USO1: variants seen among roughly 807,000 people sequenced by gnomAD.
USO1 encodes general vesicular transport factor p115.
A neutral mutation model predicts 124.5 loss-of-function variants in USO1; 57 were observed. The ratio of observed to expected loss-of-function variants is 0.46; its 90% CI spans 0.37 to 0.57. The LOEUF is 0.57. Among genes scored for constraint, USO1 ranks in the 20% least tolerant of loss-of-function variants. The pLI is 0.00. For missense variants in USO1, 900 were observed against 1,040.6 expected (o/e 0.86, Z 1.86); for synonymous variants, 369 against 362.8 (o/e 1.02, Z -0.19).
At chr4:75,731,786 T>G (rs979825373) in intron 1 of USO1, among the ~76,000 whole-genome samples, 1 of 152,164 alleles carries the variant, frequency 6.6e-6, no homozygotes, top group African/African-American at 2.4e-5. Context: ...ATTGATTGAT[T>G]AGAGTTAGCA....
chr4:75,787,994 C>T (rs1465741653), intron 10 of USO1, among the ~76,000 whole-genome samples: 1 of 151,622 alleles, frequency 6.6e-6, no homozygotes, highest in African/African-American at 2.4e-5. Flanking sequence ...ACTTTGTTTC[C>T]CACCACAGGC....
chr4:75,813,349 C>G lies in USO1; in HGVS notation c.*54C>G, dbSNP rs1265877932. The G allele has an allele frequency of 6.8e-7, 1 of 1,462,546 alleles. No homozygotes were observed. Among genetic ancestry groups the G allele is most frequent in the Non-Finnish European group, 9.0e-7 (1 of 1,106,098 alleles). The allele number at this position is 1,462,546 out of a possible 1,614,324, so 90.6% of individuals were successfully genotyped here. ...TATATCATAACTCTGAAGATGGACT[C>G]TAAACTTTGGTTTACCTCCATGGAA... On this transcript the variant is annotated 3_prime_UTR_variant, in exon 24 of 24. Coordinates refer to ENST00000514213, the MANE Select transcript of USO1 (RefSeq NM_003715.4).
rs71208100 is a variant in USO1 at position 75,759,246 on chromosome 4, C to CTTTTTTTTTTTTTTTTTTTTT, written c.295+1691_295+1692insTTTTTTTTTTTTTTTTTTTTT. ...TAATAGAATCACTTTTATTAAGGAC[C>CTTTTTTTTTTTTTTTTTTTTT]TTTTTTTTTTTTTTTTTTCTGAAAA... On this transcript the variant is annotated intron_variant, in intron 4 of 23. Transcript: ENST00000514213. Among the ~76,000 whole-genome samples, 90 of 69,118 alleles carry CTTTTTTTTTTTTTTTTTTTTT rather than the reference C, an allele frequency of 1.3e-3. 26 individuals carry two copies. Among genetic ancestry groups the CTTTTTTTTTTTTTTTTTTTTT allele is most frequent in the African/African-American group, 4.0e-3 (62 of 15,526 alleles). 45.3% of individuals were successfully genotyped at this position (69,118 alleles called of 152,430 possible).
intron 1 of USO1, among the ~76,000 whole-genome samples, chr4:75,749,557 A>G (rs1418334141): frequency 6.6e-6 from 1 of 151,272 alleles, no homozygotes; most frequent in Non-Finnish European, 1.5e-5. Flanking sequence ...TCACACCATC[A>G]TACCTAGCTA....
Position 75,800,466 on chromosome 4 carries a change from T to G in USO1, c.1679T>G (p.Met560Arg), listed in dbSNP as rs1215660579. The change falls in exon 15 of 24, where the codon ATG becomes AGG. Residue 560 changes from methionine (M) to arginine (R), a missense_variant. Physicochemically the swap from Met to Arg is moderately conservative, Grantham distance 91. This residue lies in a region of USO1 where 538 missense variants were observed against 681.6 expected (regional missense o/e 0.79). Coordinates refer to ENST00000514213, the MANE Select transcript of USO1 (RefSeq NM_003715.4). ...AATGATAACTCACTTGAGAGCTACA[T>G]GAAGTAAGTAAGGGGAAGATGGTTT... ...YFNDNSLESY[M>R]KEKLKQLIEK... 6.3e-7 allele frequency: 1 copy of G among 1,588,290 alleles called. No individual in the cohort carries two copies. The highest frequency in any genetic ancestry group is 1.8e-5 in the Admixed American group (1 of 54,988).
intron 22 of USO1, among the ~76,000 whole-genome samples, chr4:75,811,282 A>G (rs1171616804): frequency 6.6e-6 from 1 of 151,818 alleles, no homozygotes; most frequent in African/African-American, 2.4e-5. Flanking sequence ...CAGCCTCCTG[A>G]GTAGCTGGGA....
intron 8 of USO1, 82 bp downstream of exon 8, chr4:75,774,878 G>T (rs1722031467): frequency 1.4e-6 from 2 of 1,460,510 alleles, no homozygotes; most frequent in Non-Finnish European, 9.1e-7. Flanking sequence ...GTTGGAGGGA[G>T]AAATGGGGAC....
chr4:75,757,622 G>T, intron 4 of USO1, 49 bp downstream of exon 4: 1 of 1,336,762 alleles, frequency 7.5e-7, no homozygotes. Context: ...AAAACCAACT[G>T]GGTTGTGCTA....
At chr4:75,748,435 C>T (rs750350504) in intron 1 of USO1, among the ~76,000 whole-genome samples, 10 of 151,988 alleles carry the variant, frequency 6.6e-5, no homozygotes, top group Non-Finnish European at 1.3e-4. Flanking sequence ...GCAATCCACC[C>T]CTCTCAGCCT....
chr4:75,763,609 A>G (rs559417153), intron 4 of USO1, among the ~76,000 whole-genome samples: 3 of 152,052 alleles, frequency 2.0e-5, no homozygotes, highest in Non-Finnish European at 4.4e-5. Flanking sequence ...TTTATTTTAC[A>G]TTCCTATATT....
chr4:75,760,067 C>A (rs535402763), intron 4 of USO1, among the ~76,000 whole-genome samples: 2 of 151,992 alleles, frequency 1.3e-5, no homozygotes, highest in East Asian at 1.9e-4. Flanking sequence ...CCAAAATTAG[C>A]CGGGCGTGGT....
At chr4:75,737,835 A>ATTG (rs1393515009) in intron 1 of USO1, among the ~76,000 whole-genome samples, 1 of 151,606 alleles carries the variant, frequency 6.6e-6, no homozygotes, top group African/African-American at 2.4e-5. Context: ...TATTATTATT[A>ATTG]TTGTTATTTT....
At chr4:75,808,818 T>C (rs1483383963) in intron 20 of USO1, 135 bp from the exon 21 acceptor site, 3 of 1,035,068 alleles carry the variant, frequency 2.9e-6, no homozygotes, top group Non-Finnish European at 4.0e-6. Flanking sequence ...AACCCAAAAT[T>C]CAAGAATAGT....
intron 1 of USO1, among the ~76,000 whole-genome samples, chr4:75,733,735 G>A (rs928248689): frequency 2.0e-5 from 3 of 152,020 alleles, no homozygotes; most frequent in African/African-American, 7.2e-5. Context: ...TCAGATGCAT[G>A]GTTTGCAGAT....
At chr4:75,765,366 G>C in intron 4 of USO1, among the ~76,000 whole-genome samples, 1 of 152,038 alleles carries the variant, frequency 6.6e-6, no homozygotes, top group East Asian at 1.9e-4. Context: ...TGATTTGTTA[G>C]GGTTCTGGGG....
At chr4:75,757,047 G>T (rs1244951532) in intron 3 of USO1, among the ~76,000 whole-genome samples, 1 of 151,502 alleles carries the variant, frequency 6.6e-6, no homozygotes, top group African/African-American at 2.4e-5. Flanking sequence ...TACTTATTTT[G>T]TAAATTTATA....
At chr4:75,797,257 G>A (rs1451160087) in intron 13 of USO1, among the ~76,000 whole-genome samples, 1 of 151,204 alleles carries the variant, frequency 6.6e-6, no homozygotes, top group African/African-American at 2.4e-5. Context: ...TTAATTCTTT[G>A]TTCTGTTTTT....
chr4:75,752,493 A>C lies in USO1; in HGVS notation c.153+34A>C. 7.5e-6 allele frequency: 3 copies of C among 398,448 alleles called. No homozygotes were observed. The Admixed American group carries it at 1.3e-4, about 18-fold the overall frequency. 24.7% of individuals were successfully genotyped at this position (398,448 alleles called of 1,614,324 possible). The stretch of plus-strand genomic sequence containing the variant: ...CTTTGTAAATGTTTTAAGTTTCTTA[A>C]GTTGGATATTAGTTACTTTAGTAAC... On this transcript the variant is annotated intron_variant, in intron 2 of 23. Transcript: ENST00000514213.
At chr4:75,800,977 C>G (rs962139922) in intron 16 of USO1, 102 bp from the exon 17 acceptor site, 2 of 1,375,824 alleles carry the variant, frequency 1.5e-6, no homozygotes, top group African/African-American at 2.9e-5. Flanking sequence ...AAGATTATTT[C>G]TTACCTATCA....
Sources: gnomAD v4.1 joint callset for allele counts (sites outside exome capture counted in the v4.1 genomes callset) on GRCh38, gnomAD v4.1.1 for gene constraint, gnomAD v4.1.1 regional missense constraint, MANE v1.5 for transcripts, NCBI Gene and HGNC (gene_info 2026-07-23, HGNC 2026-07-21) for gene names.